The following PPARGC1A variants were observed in gnomAD, a reference collection of about 807,000 sequenced individuals.
PPARGC1A encodes PPARG coactivator 1 alpha, also known as peroxisome proliferator-activated receptor gamma coactivator 1-alpha.
A neutral mutation model predicts 88.7 loss-of-function variants in PPARGC1A; 25 were observed. That is an observed-to-expected ratio of 0.28 (90% CI 0.21 to 0.39). The LOEUF is 0.39. Ranked by LOEUF, PPARGC1A falls within the 10% of genes least tolerant of loss-of-function variation. PPARGC1A has a pLI of 1.00. For synonymous variants in PPARGC1A, 363 were observed against 355.6 expected, an observed-to-expected ratio of 1.02 and a Z score of -0.24; for missense variants, 880 against 968.7, an observed-to-expected ratio of 0.91 and a Z score of 1.22.
chr4:24,417,366 C>G, the PPARGC1A span, among the ~76,000 whole-genome samples: 1 of 152,164 alleles, frequency 6.6e-6, no homozygotes, highest in Admixed American at 6.5e-5. Context: ...CTTCCTTCCC[C>G]TGGGAAGAAA....
At chr4:23,923,987 A>AT in the PPARGC1A span, among the ~76,000 whole-genome samples, 1 of 152,160 alleles carries the variant, frequency 6.6e-6, no homozygotes, top group Non-Finnish European at 1.5e-5. Flanking sequence ...CTATGGAGAG[A>AT]TGCCTTTTCA....
the PPARGC1A span, among the ~76,000 whole-genome samples, chr4:24,058,828 C>T: frequency 5.3e-5 from 8 of 152,152 alleles, no homozygotes; most frequent in South Asian, 1.0e-3. Context: ...ACCTGTAATC[C>T]CAGCTACTAG....
At chr4:24,341,109 T>A in the PPARGC1A span, among the ~76,000 whole-genome samples, 1 of 152,056 alleles carries the variant, frequency 6.6e-6, no homozygotes, top group Non-Finnish European at 1.5e-5. Context: ...AATATAACTC[T>A]AAAAGCTAAT....
the PPARGC1A span, among the ~76,000 whole-genome samples, chr4:24,409,912 AG>A: frequency 6.6e-6 from 1 of 152,218 alleles, no homozygotes; most frequent in African/African-American, 2.4e-5. Context: ...AACTCCACAG[AG>A]GGGACAGCAA....
chr4:24,101,578 G>A, the PPARGC1A span, among the ~76,000 whole-genome samples: 1,462 of 152,094 alleles, frequency 9.6e-3, 33 homozygotes, highest in African/African-American at 0.034. Context: ...AATATCACAC[G>A]TACCCCATAC....
chr4:24,339,231 T>C, the PPARGC1A span, among the ~76,000 whole-genome samples: 58,766 of 120,336 alleles, frequency 0.49, 14,744 homozygotes, highest in Middle Eastern at 0.61. Context: ...TATATATATA[T>C]ATATATACAC....
chr4:24,358,408 C>T, the PPARGC1A span, among the ~76,000 whole-genome samples: 35 of 152,280 alleles, frequency 2.3e-4, no homozygotes, highest in African/African-American at 4.8e-4. Flanking sequence ...CCACAGAAAA[C>T]GGCAGAGGGC....
the PPARGC1A span, among the ~76,000 whole-genome samples, chr4:24,036,760 G>A: frequency 1.3e-5 from 2 of 152,152 alleles, no homozygotes; most frequent in South Asian, 4.1e-4. Context: ...AGGGGAACAA[G>A]GGAAACTTCT....
the PPARGC1A span, among the ~76,000 whole-genome samples, chr4:23,990,715 C>T: frequency 6.6e-6 from 1 of 152,020 alleles, no homozygotes; most frequent in Non-Finnish European, 1.5e-5. Context: ...GCATCACTAA[C>T]TCGGAGGCGA....
At chr4:23,859,729 C>T (rs1048831860) in intron 2 of PPARGC1A, among the ~76,000 whole-genome samples, 10 of 150,484 alleles carry the variant, frequency 6.6e-5, no homozygotes, top group African/African-American at 9.8e-5. Context: ...TGCAGTGAGC[C>T]GAGATGGCAC....
At chr4:24,324,936 G>C in the PPARGC1A span, among the ~76,000 whole-genome samples, 2 of 151,946 alleles carry the variant, frequency 1.3e-5, no homozygotes, top group Admixed American at 1.3e-4. Context: ...CTCAGCCTCC[G>C]CTCCTCCACC....
At chr4:24,413,936 T>A in the PPARGC1A span, among the ~76,000 whole-genome samples, 5 of 152,078 alleles carry the variant, frequency 3.3e-5, no homozygotes, top group African/African-American at 1.2e-4. Context: ...AGTCAAGAAA[T>A]ACTACCGGGA....
At chr4:23,848,629 C>T (rs964425041) in intron 2 of PPARGC1A, among the ~76,000 whole-genome samples, 3 of 152,190 alleles carry the variant, frequency 2.0e-5, no homozygotes, top group Non-Finnish European at 2.9e-5. Flanking sequence ...GCGTCAATTG[C>T]TGCTCAATTT....
At chr4:24,185,249 T>A in the PPARGC1A span, among the ~76,000 whole-genome samples, 2 of 152,180 alleles carry the variant, frequency 1.3e-5, no homozygotes, top group East Asian at 3.9e-4. Context: ...AATAAATAAA[T>A]AAATAAACCT....
the PPARGC1A span, among the ~76,000 whole-genome samples, chr4:23,981,001 C>T: frequency 2.2e-4 from 34 of 152,170 alleles, no homozygotes; most frequent in Admixed American, 2.0e-3. Flanking sequence ...AGACCTTCTT[C>T]AAGTTTTCTA....
intron 2 of PPARGC1A, among the ~76,000 whole-genome samples, chr4:23,866,930 G>A (rs755754606): frequency 6.6e-5 from 10 of 152,092 alleles, no homozygotes; most frequent in Non-Finnish European, 1.3e-4. Context: ...ATTGAACTGC[G>A]GAGTGCAATG....
the PPARGC1A span, among the ~76,000 whole-genome samples, chr4:23,952,853 C>T: frequency 6.6e-6 from 1 of 152,032 alleles, no homozygotes; most frequent in African/African-American, 2.4e-5. Context: ...TACATGGACA[C>T]ACCTCTCTCA....
chr4:24,258,548 A>G, the PPARGC1A span, among the ~76,000 whole-genome samples: 1 of 152,146 alleles, frequency 6.6e-6, no homozygotes, highest in Non-Finnish European at 1.5e-5. Context: ...GAGCCCAGAC[A>G]CCAATATTCT....
the PPARGC1A span, among the ~76,000 whole-genome samples, chr4:24,196,037 TTCATC>T: frequency 3.3e-5 from 5 of 152,220 alleles, no homozygotes; most frequent in Non-Finnish European, 5.9e-5. Flanking sequence ...TTCTCTCTAT[TTCATC>T]TCATCTGATT....
Sources: allele counts gnomAD v4.1 joint callset (sites outside exome capture counted in the v4.1 genomes callset), GRCh38; gene constraint gnomAD v4.1.1; transcripts MANE v1.5; gene names NCBI Gene and HGNC (gene_info 2026-07-23, HGNC 2026-07-21).